Variants in SLC22A23 observed in about 807,000 individuals in gnomAD.
SLC22A23 encodes the protein solute carrier family 22 member 23.
In SLC22A23, 26 loss-of-function variants were observed where a neutral mutation model predicts 61.0. The ratio of observed to expected loss-of-function variants is 0.43; its 90% CI spans 0.31 to 0.59. SLC22A23 has a LOEUF of 0.59. SLC22A23 is among the 20% of genes least tolerant of loss of function. The pLI is 0.11. For missense variants in SLC22A23, 796 were observed against 934.7 expected (o/e 0.85, Z 1.94); for synonymous variants, 430 against 413.9 (o/e 1.04, Z -0.47).
chr6:3,300,225 G>A lies in SLC22A23; in HGVS notation c.1083-2007C>T, dbSNP rs188027236. ...GGGGTTTCACCATGTTGGTCAGGCT[G>A]GTCTCGAACGCCTGACCTCGTGATC... On this transcript the variant is annotated intron_variant, in intron 4 of 9. Transcript: ENST00000406686. Among the ~76,000 whole-genome samples the A allele has an allele frequency of 2.8e-3, 421 of 152,100 alleles. 2 individuals are homozygous for A. Among genetic ancestry groups the A allele is most frequent in the African/African-American group, 9.5e-3 (395 of 41,490 alleles).
chr6:3,396,646 C>T (rs1234633427), intron 3 of SLC22A23, among the ~76,000 whole-genome samples: 7 of 152,188 alleles, frequency 4.6e-5, no homozygotes, highest in Non-Finnish European at 1.0e-4. Flanking sequence ...GAGGAACACA[C>T]AGGCGGCTGG....
intron 8 of SLC22A23, among the ~76,000 whole-genome samples, chr6:3,284,496 T>C (rs1759782186): frequency 6.6e-6 from 1 of 152,212 alleles, no homozygotes; most frequent in South Asian, 2.1e-4. Context: ...TCTGGCACAG[T>C]GCACGGGCAT....
intron 3 of SLC22A23, among the ~76,000 whole-genome samples, chr6:3,354,027 T>C (rs1887843): frequency 0.35 from 53,643 of 152,182 alleles, 10,840 homozygotes; most frequent in Middle Eastern, 0.47. Flanking sequence ...TCCTTTGATG[T>C]GACAGGTAGC....
rs541162283 is a variant in SLC22A23 at position 3,393,846 on chromosome 6, T to C, written c.913+16342A>G. On this transcript the variant is annotated intron_variant, in intron 3 of 9. Transcript: ENST00000406686. The stretch of plus-strand genomic sequence containing the variant: ...CCTCTTCATCCCTCTGAAAAGAGGA[T>C]AGGAACGAGGCAACGGCCTCTCAGG... Among the ~76,000 whole-genome samples the C allele has an allele frequency of 6.6e-5, 10 of 152,368 alleles. No homozygotes were observed. The South Asian group carries it at 1.4e-3, about 22-fold the overall frequency.
At chr6:3,293,094 AGAG>A (rs1760756956) in intron 5 of SLC22A23, among the ~76,000 whole-genome samples, 3 of 152,222 alleles carry the variant, frequency 2.0e-5, no homozygotes, top group Admixed American at 2.0e-4. Context: ...AAACACACGC[AGAG>A]GAGAATTGGA....
At chr6:3,440,682 G>A (rs1265677780) in intron 1 of SLC22A23, among the ~76,000 whole-genome samples, 1 of 148,530 alleles carries the variant, frequency 6.7e-6, no homozygotes, top group Non-Finnish European at 1.5e-5. Context: ...ACTCTAGCCT[G>A]GGCAACAGAG....
intron 3 of SLC22A23, among the ~76,000 whole-genome samples, chr6:3,373,735 T>C (rs941910605): frequency 6.6e-6 from 1 of 152,140 alleles, no homozygotes; most frequent in Non-Finnish European, 1.5e-5. Context: ...TATTGTTCCA[T>C]TCAGTGTTGA....
intron 3 of SLC22A23, among the ~76,000 whole-genome samples, chr6:3,356,362 G>A (rs889132914): frequency 9.2e-5 from 14 of 151,752 alleles, no homozygotes; most frequent in African/African-American, 3.4e-4. Context: ...ATCCACCCTC[G>A]GTGCCTACAA....
Position 3,287,062 on chromosome 6 carries a change from A to G in SLC22A23, c.1343T>C (p.Phe448Ser). Residue 448 changes from phenylalanine (F) to serine (S), a missense_variant, in exon 7 of 10, where the codon TTT becomes TCT. Coordinates refer to ENST00000406686, the MANE Select transcript of SLC22A23 (RefSeq NM_015482.2). ...SLTGYGIHHC[F>S]ARSMMGHEVK... ...CTCGTGGCCCATCATGCTCCTGGCA[A>G]AGCAGTGGTGGATCCCGTACCCCGT... is the stretch of plus-strand genomic sequence containing the variant. The G allele has an allele frequency of 6.2e-7, 1 of 1,614,164 alleles. No individual in the cohort carries two copies.
intron 8 of SLC22A23, chr6:3,284,840 G>T: frequency 7.0e-7 from 1 of 1,423,290 alleles, no homozygotes; most frequent in Non-Finnish European, 9.6e-7. Flanking sequence ...GAAGGGGCGG[G>T]GGCATGCGTG....
intron 4 of SLC22A23, among the ~76,000 whole-genome samples, chr6:3,319,399 C>T (rs1222525669): frequency 6.6e-6 from 1 of 152,180 alleles, no homozygotes; most frequent in Non-Finnish European, 1.5e-5. Context: ...AACATCAGCC[C>T]CTCAGAGGGG....
intron 3 of SLC22A23, among the ~76,000 whole-genome samples, chr6:3,353,710 G>A (rs1329811961): frequency 6.6e-6 from 1 of 152,090 alleles, no homozygotes. Flanking sequence ...CTTCTGCCCT[G>A]TGCACTGCCA....
chr6:3,373,648 A>C (rs2127465753), intron 3 of SLC22A23, among the ~76,000 whole-genome samples: 1 of 152,270 alleles, frequency 6.6e-6, no homozygotes, highest in East Asian at 1.9e-4. Flanking sequence ...AAAAAGAAAG[A>C]AGAAGAAGAA....
intron 1 of SLC22A23, among the ~76,000 whole-genome samples, chr6:3,442,648 T>C (rs1488300207): frequency 4.6e-5 from 7 of 152,138 alleles, no homozygotes; most frequent in Admixed American, 1.3e-4. Flanking sequence ...CGATGCTAAG[T>C]ACATAACCCG....
Position 3,372,528 on chromosome 6 carries a change from G to A in SLC22A23, c.913+37660C>T, listed in dbSNP as rs1766289397. Among the ~76,000 whole-genome samples, 1 of 152,216 alleles carries A rather than the reference G, an allele frequency of 6.6e-6. No homozygotes were observed. Among genetic ancestry groups the A allele is most frequent in the African/African-American group, 2.4e-5 (1 of 41,456 alleles). On this transcript the variant is annotated intron_variant, in intron 3 of 9. Transcript: ENST00000406686. This position sits in a 1 kb window ranked among gnomAD's most constrained non-coding sequence, Gnocchi z 4.7. ...GGAAGGAACACATGTGGGCTGTGGA[G>A]TTCAGGGGCCAGACACCAGCCTGGA...
At chr6:3,315,379 G>A (rs148735028) in intron 4 of SLC22A23, among the ~76,000 whole-genome samples, 130 of 152,312 alleles carry the variant, frequency 8.5e-4, no homozygotes, top group Middle Eastern at 3.4e-3. Context: ...GAGGAAATGC[G>A]TAGAGCCAGG....
intron 1 of SLC22A23, chr6:3,445,095 C>T (rs541492934): frequency 4.5e-6 from 2 of 444,442 alleles, no homozygotes; most frequent in Non-Finnish European, 6.0e-6. Context: ...GCAGCACTGA[C>T]CGCATTCTAC....
At chr6:3,376,142 A>G (rs1766545197) in intron 3 of SLC22A23, among the ~76,000 whole-genome samples, 1 of 152,204 alleles carries the variant, frequency 6.6e-6, no homozygotes, top group Non-Finnish European at 1.5e-5. Context: ...GTAAATACCA[A>G]TGCTGGCTTC....
In SLC22A23 at chr6:3,328,109, AC is replaced by A. The variant is rs71560949; in HGVS notation, c.914-4108del. Reference sequence around the variant, plus strand: ...ACAACCAACCAAACAAACAACCGTTACTTTTCCCCTAACACCTTAATGAAGA... The same window carrying A: ...ACAACCAACCAAACAAACAACCGTTATTTTCCCCTAACACCTTAATGAAGA... On this transcript the variant is annotated intron_variant, in intron 3 of 9. Coordinates refer to ENST00000406686, the MANE Select transcript of SLC22A23 (RefSeq NM_015482.2). The surrounding 1 kb of genome is among the most constrained non-coding windows in gnomAD (Gnocchi z 5.0). Among the ~76,000 whole-genome samples, 824 of 151,916 alleles carry A rather than the reference AC, an allele frequency of 5.4e-3. 3 individuals carry two copies. The highest frequency in any genetic ancestry group is 0.017 in the African/African-American group (684 of 41,390).
Sources: gnomAD v4.1 joint callset for allele counts (sites outside exome capture counted in the v4.1 genomes callset) on GRCh38, gnomAD v4.1.1 for gene constraint, Gnocchi (gnomAD v3.1) non-coding constraint, MANE v1.5 for transcripts, NCBI Gene and HGNC (gene_info 2026-07-23, HGNC 2026-07-21) for gene names.